Variants in CACNA2D1 observed in about 807,000 individuals in gnomAD.
CACNA2D1 encodes the protein calcium voltage-gated channel auxiliary subunit alpha2delta 1.
CACNA2D1 carries 53 observed loss-of-function variants against 171.5 expected under a neutral mutation model. The observed-to-expected ratio is 0.31, with a 90% CI of 0.25 to 0.39. CACNA2D1 has a LOEUF of 0.39. Ranked by LOEUF, CACNA2D1 falls within the 10% of genes least tolerant of loss-of-function variation. The probability of loss-of-function intolerance (pLI) is 1.00; values close to 1 mark genes in which losing one functional copy is unlikely to be tolerated. For missense variants in CACNA2D1, 903 were observed against 1,299.8 expected (o/e 0.69, Z 4.69); for synonymous variants, 442 against 443.1 (o/e 1.00, Z 0.03).
At chr7:82,222,908 T>TG (rs1381552284) in intron 3 of CACNA2D1, among the ~76,000 whole-genome samples, 9 of 148,782 alleles carry the variant, frequency 6.0e-5, no homozygotes, top group Admixed American at 1.3e-4. Context: ...CTTTTTTTTT[T>TG]TTTGTTTGTT....
At chr7:82,098,865 C>T (rs1276730433) in intron 6 of CACNA2D1, among the ~76,000 whole-genome samples, 1 of 152,170 alleles carries the variant, frequency 6.6e-6, no homozygotes, top group East Asian at 1.9e-4. Flanking sequence ...TACTTAGAAA[C>T]TTATCAGATT....
intron 4 of CACNA2D1, among the ~76,000 whole-genome samples, chr7:82,155,876 AAC>A (rs953082562): frequency 4.9e-4 from 74 of 152,336 alleles, no homozygotes; most frequent in Admixed American, 1.3e-3. Context: ...GTTGAGGAAA[AAC>A]ACAGTCAAGT....
chr7:82,053,028 G>A (rs1044811485), intron 10 of CACNA2D1, among the ~76,000 whole-genome samples: 7 of 151,888 alleles, frequency 4.6e-5, no homozygotes, highest in South Asian at 2.1e-4. Flanking sequence ...AGAGGCGGGC[G>A]GATCACAAGG....
At chr7:82,130,791 C>CTTTTTTTTTTTTTTTTTTTTTT (rs71093363) in intron 5 of CACNA2D1, among the ~76,000 whole-genome samples, 1 of 105,846 alleles carries the variant, frequency 9.4e-6, no homozygotes, top group East Asian at 2.7e-4. Flanking sequence ...TTGTTTTTGT[C>CTTTTTTTTTTTTTTTTTTTTTT]TTTTTTTTTT....
At chr7:82,032,970 T>G (rs1268482273) in intron 11 of CACNA2D1, 69 bp from the exon 12 acceptor site, 1 of 878,702 alleles carries the variant, frequency 1.1e-6, no homozygotes, top group Admixed American at 1.7e-5. Context: ...TAAAGCTATA[T>G]GGAACGAGCA....
intron 30 of CACNA2D1, 31 bp from the exon 31 acceptor site, chr7:81,967,238 C>G: frequency 3.8e-6 from 6 of 1,579,966 alleles, no homozygotes; most frequent in Non-Finnish European, 5.2e-6. Context: ...TATCACCTCA[C>G]TTTTAAAAGT....
intron 3 of CACNA2D1, among the ~76,000 whole-genome samples, chr7:82,189,778 A>T (rs2129183693): frequency 6.6e-6 from 1 of 152,020 alleles, no homozygotes; most frequent in African/African-American, 2.4e-5. Flanking sequence ...GAAAAATTTC[A>T]ACTTTCATTC....
At chr7:82,345,593 T>C (rs1487927501) in intron 2 of CACNA2D1, among the ~76,000 whole-genome samples, 1 of 152,052 alleles carries the variant, frequency 6.6e-6, no homozygotes, top group African/African-American at 2.4e-5. Flanking sequence ...TTTACAGGAA[T>C]ATTAAGACTA....
chr7:82,109,705 T>A (rs10232397), intron 6 of CACNA2D1, among the ~76,000 whole-genome samples: 2 of 152,282 alleles, frequency 1.3e-5, no homozygotes, highest in African/African-American at 4.8e-5. Flanking sequence ...GTGAGAAAAA[T>A]TGTTCTGTTT....
chr7:82,192,963 T>C (rs1301236732), intron 3 of CACNA2D1, among the ~76,000 whole-genome samples: 1 of 151,918 alleles, frequency 6.6e-6, no homozygotes, highest in Admixed American at 6.6e-5. Flanking sequence ...CAAAAAGTTA[T>C]TTTATGAAGG....
intron 4 of CACNA2D1, among the ~76,000 whole-genome samples, chr7:82,146,983 CAAAAAAAAAAAAAAAA>C (rs764990586): frequency 6.7e-4 from 17 of 25,502 alleles, no homozygotes; most frequent in African/African-American, 2.3e-3. Context: ...ACTCCCATCT[CAAAAAAAAAAAAAAAA>C]AAAAAAAAAA....
chr7:82,179,120 C>T (rs1422176534), intron 3 of CACNA2D1, among the ~76,000 whole-genome samples: 1 of 152,138 alleles, frequency 6.6e-6, no homozygotes, highest in Admixed American at 6.6e-5. Context: ...TAACTCAACA[C>T]TACCTGTCAC....
chr7:82,368,568 T>C, intron 1 of CACNA2D1, among the ~76,000 whole-genome samples: 1 of 152,228 alleles, frequency 6.6e-6, no homozygotes, highest in East Asian at 1.9e-4. Flanking sequence ...AAGAAATGTA[T>C]TATTTCACAT....
At chr7:82,427,491 T>C (rs1387549335) in intron 1 of CACNA2D1, among the ~76,000 whole-genome samples, 2 of 152,200 alleles carry the variant, frequency 1.3e-5, no homozygotes, top group Admixed American at 1.3e-4. Context: ...AGGTCTTACA[T>C]CTAGTTAATG....
chr7:82,039,549 G>A (rs187756309), intron 10 of CACNA2D1, among the ~76,000 whole-genome samples: 9 of 152,026 alleles, frequency 5.9e-5, no homozygotes, highest in Admixed American at 1.3e-4. Context: ...TTTTATCTAC[G>A]AAAAAAACTC....
At chr7:82,288,422 T>TACACAC (rs3054677) in intron 3 of CACNA2D1, among the ~76,000 whole-genome samples, 16 of 147,380 alleles carry the variant, frequency 1.1e-4, no homozygotes, top group African/African-American at 2.7e-4. Context: ...TTTGCTTCTA[T>TACACAC]ACACACACAC....
chr7:82,371,843 A>G (rs950934791), intron 1 of CACNA2D1, among the ~76,000 whole-genome samples: 10 of 152,082 alleles, frequency 6.6e-5, no homozygotes, highest in Admixed American at 6.6e-4. Context: ...GGGATTACAG[A>G]CGTGAGCCAC....
intron 18 of CACNA2D1, among the ~76,000 whole-genome samples, chr7:82,002,284 G>A (rs1033179991): frequency 6.6e-6 from 1 of 152,102 alleles, no homozygotes; most frequent in Non-Finnish European, 1.5e-5. Flanking sequence ...TGTGAGGTTA[G>A]AGTGAGAAGA....
At chr7:82,003,985 T>C (rs1798877436) in intron 18 of CACNA2D1, among the ~76,000 whole-genome samples, 1 of 152,184 alleles carries the variant, frequency 6.6e-6, no homozygotes, top group South Asian at 2.1e-4. Context: ...CCTCAGGTGA[T>C]CTGCCCGCCT....
Sources: gnomAD v4.1 joint callset for allele counts (sites outside exome capture counted in the v4.1 genomes callset) on GRCh38, gnomAD v4.1.1 for gene constraint, MANE v1.5 for transcripts, NCBI Gene and HGNC (gene_info 2026-07-23, HGNC 2026-07-21) for gene names.